The following CAPN9 variants were observed in gnomAD, a reference collection of about 807,000 sequenced individuals.
The protein encoded by CAPN9 is calpain 9.
Under a neutral mutation model 92.8 loss-of-function variants are expected in CAPN9, and 81 were observed. That is an observed-to-expected ratio of 0.87 (90% CI 0.73 to 1.05). The LOEUF (loss-of-function observed/expected upper bound fraction) is 1.05, where lower values mean the gene tolerates loss of function less well. Among genes scored for constraint, CAPN9 ranks in the 50% least tolerant of loss-of-function variants. The probability of loss-of-function intolerance (pLI) is 0.00; values close to 1 mark genes in which losing one functional copy is unlikely to be tolerated. For synonymous variants in CAPN9, 304 were observed against 328.0 expected (o/e 0.93, Z 0.79); for missense variants, 848 against 866.2 (o/e 0.98, Z 0.26).
intron 1 of CAPN9, chr1:230,752,746 T>G: frequency 1.0e-6 from 1 of 976,072 alleles, no homozygotes. Flanking sequence ...GTGGGGGCAT[T>G]GCTTGCCAGG....
At chr1:230,772,658 C>G (rs1666464844) in intron 7 of CAPN9, among the ~76,000 whole-genome samples, 1 of 151,684 alleles carries the variant, frequency 6.6e-6, no homozygotes, top group Non-Finnish European at 1.5e-5. Flanking sequence ...GGGAGGATCA[C>G]TTGAGTATGA....
In CAPN9 at chr1:230,773,577, C is replaced by T. The variant is rs556087154; in HGVS notation, c.876-977C>T. 7.9e-5 allele frequency among the ~76,000 whole-genome samples: 12 copies of T among 152,160 alleles called. No individual in the cohort carries two copies. The South Asian group carries it at 1.9e-3, about 24-fold the overall frequency. ...GTGATGGGAGGGGCAGGCGCCATCC[C>T]GACTCCCTGACTTCGCTGTGCTGCT... On this transcript the variant is annotated intron_variant, in intron 7 of 19. Transcript: ENST00000271971.
chr1:230,767,432 A>G (rs376137286), intron 4 of CAPN9, 109 bp from the exon 5 acceptor site: 9 of 887,498 alleles, frequency 1.0e-5, no homozygotes, highest in Non-Finnish European at 1.5e-5. Context: ...CAGCCAGGGC[A>G]AGCCCTGGGA....
intron 12 of CAPN9, 92 bp downstream of exon 12, chr1:230,786,109 G>T: frequency 6.2e-7 from 1 of 1,605,644 alleles, no homozygotes; most frequent in Non-Finnish European, 8.5e-7. Context: ...AAACTCTGCA[G>T]TTCAGGGATG....
chr1:230,791,590 CA>C (rs1475331915), intron 14 of CAPN9, among the ~76,000 whole-genome samples: 1 of 152,150 alleles, frequency 6.6e-6, no homozygotes, highest in African/African-American at 2.4e-5. Flanking sequence ...AATATGATGA[CA>C]AAAATCTTCA....
chr1:230,768,659 T>G (rs932537567), intron 5 of CAPN9, among the ~76,000 whole-genome samples: 1 of 152,200 alleles, frequency 6.6e-6, no homozygotes, highest in Non-Finnish European at 1.5e-5. Context: ...TTATCTCATC[T>G]TTTTAAAACT....
chr1:230,777,258 A>G (rs2102887357), intron 8 of CAPN9, among the ~76,000 whole-genome samples: 1 of 152,252 alleles, frequency 6.6e-6, no homozygotes, highest in African/African-American at 2.4e-5. Context: ...GAAGCTCCAC[A>G]AAGAAGAGCG....
chr1:230,750,281 A>T lies in CAPN9; in HGVS notation c.213+2572A>T, dbSNP rs1664682890. On this transcript the variant is annotated intron_variant, in intron 1 of 19. Transcript: ENST00000271971. Reference sequence around the variant, plus strand: ...TCATCCCACTGTCTCCACCTACGGCAGACCCTTTATTGATCTTAACCCAGG... The same window carrying T: ...TCATCCCACTGTCTCCACCTACGGCTGACCCTTTATTGATCTTAACCCAGG... Among the ~76,000 whole-genome samples, 3 of 152,198 alleles carry T rather than the reference A, an allele frequency of 2.0e-5. No homozygotes were observed. In the South Asian group the frequency reaches 6.2e-4, roughly 32 times the overall value.
At chr1:230,775,559 A>G (rs370981723) in intron 8 of CAPN9, among the ~76,000 whole-genome samples, 3 of 152,066 alleles carry the variant, frequency 2.0e-5, no homozygotes, top group Non-Finnish European at 4.4e-5. Context: ...TTCTGGCTCT[A>G]TTCCCTTTCA....
rs780371581 is a variant in CAPN9 at position 230,795,233 on chromosome 1, C to T, written c.1941C>T (p.Asp647=). The change falls in exon 18 of 20, where the codon GAC becomes GAT. Residue 647 remains aspartate, a synonymous_variant. Transcript: ENST00000271971. The stretch of plus-strand genomic sequence containing the variant: ...ATGCGGATGAGGAGCTCCAGCTGGA[C>T]TTCGATGACTTCCTCAACTGCCTGG... ...LRYADEELQL[D]FDDFLNCLVR... 3 of 1,613,492 alleles carry T rather than the reference C, an allele frequency of 1.9e-6. No homozygotes were observed. Among genetic ancestry groups the T allele is most frequent in the Non-Finnish European group, 1.7e-6 (2 of 1,179,652 alleles).
chr1:230,782,665 G>C (rs1667306466), intron 11 of CAPN9, among the ~76,000 whole-genome samples: 1 of 152,072 alleles, frequency 6.6e-6, no homozygotes, highest in Non-Finnish European at 1.5e-5. Context: ...AACCCCACCA[G>C]TGGAATCAGG....
chr1:230,795,919 C>T (rs990553129), intron 18 of CAPN9, among the ~76,000 whole-genome samples: 12 of 151,788 alleles, frequency 7.9e-5, no homozygotes, highest in African/African-American at 2.7e-4. Context: ...GCGTTTCCAT[C>T]TTGAAAGTCT....
intron 11 of CAPN9, among the ~76,000 whole-genome samples, chr1:230,784,034 G>A (rs1457486688): frequency 1.3e-5 from 2 of 152,178 alleles, no homozygotes; most frequent in Non-Finnish European, 2.9e-5. Context: ...AGGGATCTGT[G>A]GAAGTTTGAA....
At chr1:230,786,195 T>C (rs1478442884) in intron 12 of CAPN9, 178 bp downstream of exon 12, 1 of 984,876 alleles carries the variant, frequency 1.0e-6, no homozygotes, top group East Asian at 1.1e-4. Context: ...GTCTGTGCTC[T>C]TCTAGTCCAC....
At chr1:230,782,137 C>T (rs747978423) in intron 11 of CAPN9, among the ~76,000 whole-genome samples, 1 of 152,134 alleles carries the variant, frequency 6.6e-6, no homozygotes, top group Non-Finnish European at 1.5e-5. Context: ...GTGGGGTGAG[C>T]TCAGAGTCAC....
rs760395648 is a variant in CAPN9 at position 230,779,044 on chromosome 1, A to G, written c.1025A>G (p.Glu342Gly). 1 of 1,613,764 alleles carries G rather than the reference A, an allele frequency of 6.2e-7. No individual in the cohort carries two copies. The highest frequency in any genetic ancestry group is 8.5e-7 in the Non-Finnish European group (1 of 1,179,950). ...TGCAACCTCACTCCCGATGCCCTGGAGGAAGACGCGATCCACAAATGGGAG... is the reference window on the plus strand; with the variant it reads ...TGCAACCTCACTCCCGATGCCCTGGGGGAAGACGCGATCCACAAATGGGAG... ...EICNLTPDAL[E>G]EDAIHKWEVT... The change falls in exon 9 of 20, where the codon GAG becomes GGG. Residue 342 changes from glutamate (E) to glycine (G), a missense_variant. Glu to Gly is a moderately conservative substitution (Grantham distance 98, BLOSUM62 -2). Coordinates refer to ENST00000271971, the MANE Select transcript of CAPN9 (RefSeq NM_006615.3).
intron 11 of CAPN9, 45 bp from the exon 12 acceptor site, chr1:230,785,936 G>A (rs751330756): frequency 1.3e-6 from 2 of 1,592,286 alleles, no homozygotes; most frequent in South Asian, 1.1e-5. Context: ...ATCCCAATGG[G>A]AAGTTAATCC....
intron 15 of CAPN9, among the ~76,000 whole-genome samples, chr1:230,792,183 T>A (rs1453932548): frequency 6.6e-6 from 1 of 151,988 alleles, no homozygotes; most frequent in African/African-American, 2.4e-5. Flanking sequence ...CACTTTGGGA[T>A]CCCATCCAAG....
chr1:230,793,024 G>A, intron 17 of CAPN9, 96 bp downstream of exon 17: 1 of 924,946 alleles, frequency 1.1e-6, no homozygotes, highest in Non-Finnish European at 1.7e-6. Flanking sequence ...TGCTGCCCAG[G>A]AGGTGGGCCT....
Sources: allele counts gnomAD v4.1 joint callset (sites outside exome capture counted in the v4.1 genomes callset), GRCh38; gene constraint gnomAD v4.1.1; transcripts MANE v1.5; gene names NCBI Gene and HGNC (gene_info 2026-07-23, HGNC 2026-07-21).